OLFM3: variants seen among roughly 807,000 people sequenced by gnomAD.
OLFM3 encodes noelin-3.
A neutral mutation model predicts 48.6 loss-of-function variants in OLFM3; 20 were observed. That is an observed-to-expected ratio of 0.41 (90% confidence interval 0.29 to 0.60). The LOEUF (loss-of-function observed/expected upper bound fraction) is 0.60, where lower values mean the gene tolerates loss of function less well. Among genes scored for constraint, OLFM3 ranks in the 20% least tolerant of loss-of-function variants. The probability of loss-of-function intolerance (pLI) is 0.28; values close to 1 mark genes in which losing one functional copy is unlikely to be tolerated. For synonymous variants in OLFM3, 222 were observed against 198.1 expected (o/e 1.12, Z -1.01); for missense variants, 437 against 544.3 (o/e 0.80, Z 1.96).
intron 1 of OLFM3, among the ~76,000 whole-genome samples, chr1:101,840,627 C>T (rs1009156967): frequency 5.3e-5 from 8 of 152,064 alleles, no homozygotes; most frequent in Non-Finnish European, 8.8e-5. Context: ...CACACAATCA[C>T]GCCCAGTTAA....
At chr1:101,857,933 C>G (rs1018799421) in intron 1 of OLFM3, among the ~76,000 whole-genome samples, 3 of 152,072 alleles carry the variant, frequency 2.0e-5, no homozygotes, top group African/African-American at 7.3e-5. Flanking sequence ...TCATTCAACA[C>G]TGTTTTAAAA....
At chr1:101,974,492 T>C (rs1319585817) in intron 1 of OLFM3, among the ~76,000 whole-genome samples, 1 of 152,174 alleles carries the variant, frequency 6.6e-6, no homozygotes, top group Admixed American at 6.5e-5. Context: ...CCTCACTTTT[T>C]AGTTTTAGAC....
At chr1:101,970,089 C>T (rs1660738319) in intron 1 of OLFM3, among the ~76,000 whole-genome samples, 2 of 151,484 alleles carry the variant, frequency 1.3e-5, no homozygotes, top group African/African-American at 2.4e-5. Context: ...GATCTCAGCT[C>T]ACTGCAACCT....
intron 1 of OLFM3, among the ~76,000 whole-genome samples, chr1:101,989,591 T>G (rs375433832): frequency 1.9e-5 from 2 of 107,054 alleles, no homozygotes; most frequent in African/African-American, 6.2e-5. Context: ...TTTTGTATTT[T>G]TTTTTACCCT....
At chr1:101,853,339 T>A (rs80166472) in intron 1 of OLFM3, among the ~76,000 whole-genome samples, 6,056 of 152,072 alleles carry the variant, frequency 0.04, 234 homozygotes, top group East Asian at 0.18. Flanking sequence ...TTCTCCTTCC[T>A]CCCAAGATCA....
chr1:101,811,150 C>T (rs1654028021), intron 4 of OLFM3, among the ~76,000 whole-genome samples: 1 of 151,890 alleles, frequency 6.6e-6, no homozygotes, highest in Non-Finnish European at 1.5e-5. Flanking sequence ...TACAATGTCT[C>T]GAATATGAAA....
chr1:101,869,967 T>C (rs1433410853), intron 1 of OLFM3, among the ~76,000 whole-genome samples: 1 of 152,212 alleles, frequency 6.6e-6, no homozygotes, highest in Admixed American at 6.5e-5. Context: ...AGCAGTTCTT[T>C]ATGGCAGCAT....
intron 4 of OLFM3, among the ~76,000 whole-genome samples, chr1:101,818,373 A>C (rs1654437338): frequency 6.6e-6 from 1 of 152,166 alleles, no homozygotes; most frequent in African/African-American, 2.4e-5. Context: ...TATGGCTAAA[A>C]TATAACTAAG....
intron 2 of OLFM3, among the ~76,000 whole-genome samples, chr1:101,832,021 G>A (rs1655176447): frequency 6.6e-6 from 1 of 151,910 alleles, no homozygotes. Context: ...TCCTGTCTCA[G>A]TCTCCTGAGT....
At chr1:101,915,490 A>G (rs930885005) in intron 1 of OLFM3, among the ~76,000 whole-genome samples, 4 of 152,102 alleles carry the variant, frequency 2.6e-5, no homozygotes, top group Non-Finnish European at 5.9e-5. Flanking sequence ...CTTATTTTTA[A>G]TAGCTAGATT....
At chr1:101,893,381 GA>G in intron 1 of OLFM3, 1 of 382,852 alleles carries the variant, frequency 2.6e-6, no homozygotes, top group Non-Finnish European at 5.3e-6. Context: ...GGGCCATGGG[GA>G]ACAGATCAGT....
intron 3 of OLFM3, among the ~76,000 whole-genome samples, chr1:101,827,317 G>T (rs1360064789): frequency 2.0e-5 from 3 of 150,898 alleles, no homozygotes; most frequent in Non-Finnish European, 4.4e-5. Flanking sequence ...AACAGAGGAA[G>T]AATTTTTTTT....
chr1:101,994,782 G>A (rs552119262), intron 1 of OLFM3, among the ~76,000 whole-genome samples: 1 of 151,862 alleles, frequency 6.6e-6, no homozygotes, highest in East Asian at 1.9e-4. Flanking sequence ...ATCATCTTTT[G>A]TTCTTTGCAC....
At position 101,850,259 on chromosome 1, in the gene OLFM3, A is replaced by G. The variant is rs143533260; in HGVS notation, c.70-13234T>C. On this transcript the variant is annotated intron_variant, in intron 1 of 5. Transcript: ENST00000370103. ...GGAATTTCATAGTGGATCAATAACT[A>G]TATAACCTACAATTGTGCATTATTG... 6.8e-3 allele frequency among the ~76,000 whole-genome samples: 1,037 copies of G among 152,262 alleles called. 15 individuals are homozygous for G. The highest frequency in any genetic ancestry group is 0.023 in the African/African-American group (976 of 41,566).
At chr1:101,968,236 C>T (rs2101092810) in intron 1 of OLFM3, among the ~76,000 whole-genome samples, 1 of 152,282 alleles carries the variant, frequency 6.6e-6, no homozygotes, top group East Asian at 1.9e-4. Flanking sequence ...CTACATGATG[C>T]ATTTGGCACT....
At chr1:101,834,551 G>A (rs1355081069) in intron 2 of OLFM3, among the ~76,000 whole-genome samples, 1 of 152,130 alleles carries the variant, frequency 6.6e-6, no homozygotes, top group Non-Finnish European at 1.5e-5. Flanking sequence ...GAAATACTGT[G>A]ATATCTCAGA....
chr1:101,950,650 T>G (rs1440787817), intron 1 of OLFM3, among the ~76,000 whole-genome samples: 1 of 152,056 alleles, frequency 6.6e-6, no homozygotes, highest in Non-Finnish European at 1.5e-5. Flanking sequence ...TTCACCGTGT[T>G]AGCCAGGATG....
At chr1:101,885,178 C>CA (rs920258589) in intron 1 of OLFM3, among the ~76,000 whole-genome samples, 54 of 151,492 alleles carry the variant, frequency 3.6e-4, no homozygotes, top group Admixed American at 1.1e-3. Flanking sequence ...GTGGATATGG[C>CA]AAAAAAAGGT....
At position 101,829,882 on chromosome 1, in the gene OLFM3, T is replaced by C. The variant is rs542159843; in HGVS notation, c.372+790A>G. The stretch of plus-strand genomic sequence containing the variant: ...CGGAGTCTCTCTCTGTTGCCCAGGC[T>C]GGAGTGCAGTGGCGCTGTCTCGGCT... On this transcript the variant is annotated intron_variant, in intron 3 of 5. Transcript: ENST00000370103. Among the ~76,000 whole-genome samples, 22 of 152,096 alleles carry C rather than the reference T, an allele frequency of 1.4e-4. No individual in the cohort carries two copies. In the East Asian group the frequency reaches 3.9e-3, roughly 27 times the overall value.
Sources: gnomAD v4.1 joint callset for allele counts (sites outside exome capture counted in the v4.1 genomes callset) on GRCh38, gnomAD v4.1.1 for gene constraint, MANE v1.5 for transcripts, NCBI Gene and HGNC (gene_info 2026-07-23, HGNC 2026-07-21) for gene names.